Variants in CDH8 observed in about 807,000 individuals in gnomAD.
CDH8 encodes cadherin 8, also known as cadherin-8.
In CDH8, 17 loss-of-function variants were observed where a neutral mutation model predicts 68.1. That is an observed-to-expected ratio of 0.25 (90% CI 0.17 to 0.37). CDH8 has a LOEUF of 0.37. CDH8 is among the 10% of genes least tolerant of loss of function. The pLI, the probability that CDH8 is intolerant of heterozygous loss-of-function variation, is 1.00. For synonymous variants in CDH8, 372 were observed against 365.1 expected (o/e 1.02, Z -0.21); for missense variants, 763 against 999.3 (o/e 0.76, Z 3.19).
At chr16:61,840,393 AGTCTTG>A (rs1962658478) in intron 4 of CDH8, among the ~76,000 whole-genome samples, 1 of 152,328 alleles carries the variant, frequency 6.6e-6, no homozygotes, top group East Asian at 1.9e-4. Flanking sequence ...CAACCATTGA[AGTCTTG>A]GTCCATGTGC....
At chr16:61,807,400 C>T (rs897574068) in intron 7 of CDH8, among the ~76,000 whole-genome samples, 50 of 151,216 alleles carry the variant, frequency 3.3e-4, no homozygotes, top group African/African-American at 1.1e-3. Context: ...TGCAGCGCAC[C>T]AGCATGGCAC....
chr16:61,853,727 C>T (rs1456539292), intron 4 of CDH8, among the ~76,000 whole-genome samples: 1 of 152,048 alleles, frequency 6.6e-6, no homozygotes, highest in Non-Finnish European at 1.5e-5. Context: ...CTCTGCTCAT[C>T]CATGACATTT....
intron 9 of CDH8, among the ~76,000 whole-genome samples, chr16:61,724,361 T>A (rs1479266481): frequency 1.3e-5 from 2 of 150,822 alleles, no homozygotes; most frequent in African/African-American, 4.8e-5. Context: ...TGAGTTCAAT[T>A]CAGTGGAAAA....
intron 8 of CDH8, among the ~76,000 whole-genome samples, chr16:61,770,135 T>G (rs1467529528): frequency 1.3e-5 from 2 of 151,912 alleles, no homozygotes; most frequent in Non-Finnish European, 2.9e-5. Context: ...TCTAAAACAG[T>G]GTTCAGGTTA....
intron 4 of CDH8, among the ~76,000 whole-genome samples, chr16:61,850,874 A>G (rs1962924715): frequency 6.6e-6 from 1 of 152,132 alleles, no homozygotes; most frequent in Non-Finnish European, 1.5e-5. Context: ...TATTATGTGT[A>G]GTATTTATCA....
chr16:61,652,580 T>C lies in CDH8; in HGVS notation c.*1028A>G, dbSNP rs141235665. 41 of 1,053,634 alleles carry C rather than the reference T, an allele frequency of 3.9e-5. 1 individual carries two copies. In the East Asian group the frequency reaches 2.1e-3, roughly 54 times the overall value. 65.3% of individuals were successfully genotyped at this position (1,053,634 alleles called of 1,614,324 possible). ...ACTATTAGCTCTCCTTTCGATAATA[T>C]TGCCTGCCATACTCATCTCATCAAA... On this transcript the variant is annotated 3_prime_UTR_variant, in exon 12 of 12. Coordinates refer to ENST00000577390, the MANE Select transcript of CDH8 (RefSeq NM_001796.5).
chr16:61,689,830 CA>C (rs1183430430), intron 10 of CDH8, among the ~76,000 whole-genome samples: 5 of 151,798 alleles, frequency 3.3e-5, no homozygotes, highest in Non-Finnish European at 5.9e-5. Context: ...TTTACTAATA[CA>C]TTTTTTTTTC....
intron 2 of CDH8, among the ~76,000 whole-genome samples, chr16:62,019,315 T>A (rs1348528311): frequency 6.6e-6 from 1 of 152,168 alleles, no homozygotes; most frequent in Non-Finnish European, 1.5e-5. Flanking sequence ...GTGGGTGAAA[T>A]AATGGCCACT....
At chr16:61,719,741 T>C (rs1959202978) in intron 9 of CDH8, among the ~76,000 whole-genome samples, 1 of 150,878 alleles carries the variant, frequency 6.6e-6, no homozygotes, top group Non-Finnish European at 1.5e-5. Context: ...ATATTGAAAA[T>C]ATGTTCCATT....
At chr16:61,664,009 C>G (rs562210667) in intron 10 of CDH8, among the ~76,000 whole-genome samples, 1 of 152,074 alleles carries the variant, frequency 6.6e-6, no homozygotes, top group Non-Finnish European at 1.5e-5. Flanking sequence ...GTCTTGTTCT[C>G]CAGCTTCATG....
chr16:62,020,085 G>C (rs1193129412), intron 2 of CDH8, among the ~76,000 whole-genome samples: 1 of 152,140 alleles, frequency 6.6e-6, no homozygotes, highest in Non-Finnish European at 1.5e-5. Context: ...TCCTTGGGGA[G>C]GCTCAATTTG....
chr16:62,019,369 C>G (rs1206879868), intron 2 of CDH8, among the ~76,000 whole-genome samples: 2 of 152,132 alleles, frequency 1.3e-5, no homozygotes, highest in African/African-American at 2.4e-5. Flanking sequence ...AATTTACCAG[C>G]TCTGTGATCT....
intron 2 of CDH8, among the ~76,000 whole-genome samples, chr16:61,986,798 T>G (rs566172287): frequency 1.7e-4 from 26 of 152,292 alleles, no homozygotes; most frequent in Admixed American, 7.2e-4. Flanking sequence ...TGAGTCCTTT[T>G]GCCTGGGGAG....
intron 2 of CDH8, among the ~76,000 whole-genome samples, chr16:61,902,200 C>T (rs1963986812): frequency 6.6e-6 from 1 of 152,132 alleles, no homozygotes. Context: ...AATGGAACCC[C>T]TTCAGAAAAT....
chr16:61,929,637 G>A (rs535528075), intron 2 of CDH8, among the ~76,000 whole-genome samples: 63 of 152,170 alleles, frequency 4.1e-4, no homozygotes, highest in East Asian at 2.7e-3. Flanking sequence ...TCTGCAATCC[G>A]CCACTTTGGG....
In CDH8 at chr16:61,720,539, C is replaced by T. The variant is rs115726955; in HGVS notation, c.1536+6555G>A. 6.0e-3 allele frequency among the ~76,000 whole-genome samples: 912 copies of T among 150,984 alleles called. 11 individuals carry two copies. Among genetic ancestry groups the T allele is most frequent in the Middle Eastern group, 0.031 (9 of 294 alleles). On this transcript the variant is annotated intron_variant, in intron 9 of 11. Coordinates refer to ENST00000577390, the MANE Select transcript of CDH8 (RefSeq NM_001796.5). ...AATTAAATTAGGGGCCAGAATAAAA[C>T]GTGAAATTTGTAACCATGCAAGATT... is the stretch of plus-strand genomic sequence containing the variant.
At chr16:61,794,438 T>C (rs2142995287) in intron 7 of CDH8, among the ~76,000 whole-genome samples, 1 of 152,206 alleles carries the variant, frequency 6.6e-6, no homozygotes, top group Non-Finnish European at 1.5e-5. Context: ...GTAATGCTTA[T>C]AAAATACTTA....
At chr16:61,840,254 C>T (rs920344405) in intron 4 of CDH8, among the ~76,000 whole-genome samples, 4 of 152,114 alleles carry the variant, frequency 2.6e-5, no homozygotes, top group Admixed American at 2.6e-4. Flanking sequence ...TCTCCCTGAT[C>T]CTGTCCTCCT....
chr16:61,911,578 A>G (rs372359259), intron 2 of CDH8, among the ~76,000 whole-genome samples: 3 of 151,922 alleles, frequency 2.0e-5, no homozygotes, highest in African/African-American at 7.3e-5. Context: ...GTTTTGGTAC[A>G]TATTTGATTT....
Sources: gnomAD v4.1 joint callset for allele counts (sites outside exome capture counted in the v4.1 genomes callset) on GRCh38, gnomAD v4.1.1 for gene constraint, MANE v1.5 for transcripts, NCBI Gene and HGNC (gene_info 2026-07-23, HGNC 2026-07-21) for gene names.